Variants in BTBD9 observed in about 807,000 individuals in gnomAD.
BTBD9 encodes BTB/POZ domain-containing protein 9.
Under a neutral mutation model 64.3 loss-of-function variants are expected in BTBD9, and 49 were observed. That is an observed-to-expected ratio of 0.76 (90% confidence interval 0.61 to 0.97). The LOEUF is 0.97. Ranked by LOEUF, BTBD9 falls within the 50% of genes least tolerant of loss-of-function variation. The pLI, the probability that BTBD9 is intolerant of heterozygous loss-of-function variation, is 0.00. For missense variants in BTBD9, 598 were observed against 762.1 expected (o/e 0.78, Z 2.53); for synonymous variants, 260 against 274.7 (o/e 0.95, Z 0.53).
In BTBD9 at chr6:38,302,425, T is replaced by A. The variant is rs1361512189; in HGVS notation, c.1265-13964A>T. ...TTAATTATCTCCAGGTTCTTCCATG[T>A]TGCTGCAAATGACAGCATTTCATTC... On this transcript the variant is annotated intron_variant, in intron 7 of 10. Coordinates refer to ENST00000481247, the MANE Select transcript of BTBD9 (RefSeq NM_001099272.2). 1.8e-4 allele frequency among the ~76,000 whole-genome samples: 27 copies of A among 150,120 alleles called. No homozygotes were observed. The Admixed American group carries it at 1.8e-3, about 10-fold the overall frequency.
chr6:38,314,388 G>A (rs955196784), intron 7 of BTBD9, among the ~76,000 whole-genome samples: 4 of 151,576 alleles, frequency 2.6e-5, no homozygotes, highest in Non-Finnish European at 5.9e-5. Context: ...GTAGAGACGG[G>A]GTTTCACCAT....
intron 8 of BTBD9, among the ~76,000 whole-genome samples, chr6:38,279,013 ATGATTCC>A (rs1761399123): frequency 6.6e-6 from 1 of 152,200 alleles, no homozygotes; most frequent in African/African-American, 2.4e-5. Context: ...CAGGCAAATA[ATGATTCC>A]TCAGCTAGAG....
chr6:38,419,475 C>T (rs1467072825), intron 6 of BTBD9, among the ~76,000 whole-genome samples: 1 of 152,128 alleles, frequency 6.6e-6, no homozygotes, highest in Non-Finnish European at 1.5e-5. Context: ...TCTTACTTGA[C>T]CTGAAACTTA....
intron 6 of BTBD9, among the ~76,000 whole-genome samples, chr6:38,412,522 G>C (rs1767475285): frequency 6.6e-6 from 1 of 151,096 alleles, no homozygotes. Context: ...CTATGTAACA[G>C]TGTACAAAGG....
intron 9 of BTBD9, among the ~76,000 whole-genome samples, chr6:38,238,603 G>A (rs1467397796): frequency 6.6e-6 from 1 of 151,426 alleles, no homozygotes; most frequent in African/African-American, 2.4e-5. Flanking sequence ...CTCCCGAGTA[G>A]CTGGGACTAC....
intron 6 of BTBD9, among the ~76,000 whole-genome samples, chr6:38,568,865 TAAAG>T (rs1775635480): frequency 1.3e-5 from 2 of 152,256 alleles, no homozygotes; most frequent in South Asian, 4.1e-4. Flanking sequence ...CTTTTAATCT[TAAAG>T]AAAGAAGTTT....
intron 6 of BTBD9, among the ~76,000 whole-genome samples, chr6:38,355,284 G>C (rs1219854502): frequency 6.6e-6 from 1 of 152,146 alleles, no homozygotes; most frequent in Non-Finnish European, 1.5e-5. Flanking sequence ...CATTTAAAAA[G>C]ACATTTCCCC....
At chr6:38,458,889 T>C (rs1431997880) in intron 6 of BTBD9, among the ~76,000 whole-genome samples, 1 of 152,238 alleles carries the variant, frequency 6.6e-6, no homozygotes, top group East Asian at 1.9e-4. Context: ...AAGGCCATTT[T>C]ATGAGCATCT....
chr6:38,418,891 T>C (rs1767789170), intron 6 of BTBD9, among the ~76,000 whole-genome samples: 1 of 152,100 alleles, frequency 6.6e-6, no homozygotes, highest in African/African-American at 2.4e-5. Flanking sequence ...GGCAGGAGGA[T>C]TGCTTAAGCC....
intron 6 of BTBD9, among the ~76,000 whole-genome samples, chr6:38,538,633 C>T (rs1393267494): frequency 2.0e-5 from 3 of 151,850 alleles, no homozygotes; most frequent in Non-Finnish European, 4.4e-5. Context: ...CCTTCCCCCG[C>T]CCCCCAAAAG....
intron 2 of BTBD9, among the ~76,000 whole-genome samples, chr6:38,597,560 G>C (rs551480922): frequency 6.6e-6 from 1 of 152,292 alleles, no homozygotes; most frequent in Non-Finnish European, 1.5e-5. Context: ...CCACAGGGCA[G>C]TCTACCTATG....
intron 6 of BTBD9, among the ~76,000 whole-genome samples, chr6:38,530,181 C>A (rs1374737003): frequency 6.6e-6 from 1 of 151,996 alleles, no homozygotes; most frequent in Non-Finnish European, 1.5e-5. Flanking sequence ...TCCACCCTGG[C>A]AAATTTGTGG....
At chr6:38,475,356 A>G (rs1478019591) in intron 6 of BTBD9, among the ~76,000 whole-genome samples, 1 of 151,694 alleles carries the variant, frequency 6.6e-6, no homozygotes. Context: ...CTTCAGCTGG[A>G]TCCACATTGC....
chr6:38,605,231 G>C lies in BTBD9; in HGVS notation c.-27-7110C>G, dbSNP rs564981900. On this transcript the variant is annotated intron_variant, in intron 1 of 10. Transcript: ENST00000481247. Reference sequence around the variant, plus strand: ...CTGGTTAACTTTTGTATTTTTAGTAGAGACGGGGTTTCACCATGTTGGCCA... The same window carrying C: ...CTGGTTAACTTTTGTATTTTTAGTACAGACGGGGTTTCACCATGTTGGCCA... Among the ~76,000 whole-genome samples, 10 of 152,090 alleles carry C rather than the reference G, an allele frequency of 6.6e-5. No homozygotes were observed. In the South Asian group the frequency reaches 2.1e-3, roughly 32 times the overall value.
intron 6 of BTBD9, among the ~76,000 whole-genome samples, chr6:38,527,607 T>A (rs1773568382): frequency 6.6e-6 from 1 of 152,102 alleles, no homozygotes; most frequent in African/African-American, 2.4e-5. Context: ...GAGGCCTCCC[T>A]AGCCATGCAG....
chr6:38,557,489 A>T (rs1395243058), intron 6 of BTBD9, among the ~76,000 whole-genome samples: 1 of 152,260 alleles, frequency 6.6e-6, no homozygotes, highest in Non-Finnish European at 1.5e-5. Flanking sequence ...GAAATACAAT[A>T]GTTGGACAAT....
chr6:38,234,594 T>C (rs773975584), intron 9 of BTBD9, among the ~76,000 whole-genome samples: 2 of 152,232 alleles, frequency 1.3e-5, no homozygotes, highest in Non-Finnish European at 2.9e-5. Context: ...TATATACTTT[T>C]ACTGATAAAA....
At position 38,373,757 on chromosome 6, in the gene BTBD9, G is replaced by A. The variant is rs554462985; in HGVS notation, c.1155-28664C>T. Among the ~76,000 whole-genome samples the A allele has an allele frequency of 5.3e-5, 8 of 152,152 alleles. No homozygotes were observed. The East Asian group carries it at 1.5e-3, about 29-fold the overall frequency. Reference sequence around the variant, plus strand: ...TGCCCTGGCTGGTCTCAAACTCCTTGCCTCAAGCGAACCTCCTGCCTCAGC... The same window carrying A: ...TGCCCTGGCTGGTCTCAAACTCCTTACCTCAAGCGAACCTCCTGCCTCAGC... On this transcript the variant is annotated intron_variant, in intron 6 of 10. Transcript: ENST00000481247.
chr6:38,464,451 T>TA (rs1770249730), intron 6 of BTBD9, among the ~76,000 whole-genome samples: 3 of 152,084 alleles, frequency 2.0e-5, no homozygotes, highest in African/African-American at 7.2e-5. Flanking sequence ...TTAAAATTTT[T>TA]AAATTCTGTG....
Sources: gnomAD v4.1 joint callset for allele counts (sites outside exome capture counted in the v4.1 genomes callset) on GRCh38, gnomAD v4.1.1 for gene constraint, MANE v1.5 for transcripts, NCBI Gene and HGNC (gene_info 2026-07-23, HGNC 2026-07-21) for gene names.